Variants in SUPT6H observed in about 807,000 individuals in gnomAD.
The protein encoded by SUPT6H is SPT6 homolog, histone chaperone and transcription elongation factor.
Under a neutral mutation model 222.3 loss-of-function variants are expected in SUPT6H, and 11 were observed. The observed-to-expected ratio is 0.05, with a 90% CI of 0.03 to 0.08. The LOEUF (loss-of-function observed/expected upper bound fraction) is 0.08, where lower values mean the gene tolerates loss of function less well. Among genes scored for constraint, SUPT6H ranks in the 10% least tolerant of loss-of-function variants. The pLI is 1.00. For synonymous variants in SUPT6H, 762 were observed against 801.2 expected (o/e 0.95, Z 0.83); for missense variants, 1,422 against 2,216.0 (o/e 0.64, Z 7.19).
intron 1 of SUPT6H, among the ~76,000 whole-genome samples, chr17:28,662,821 T>C (rs2072083028): frequency 6.6e-6 from 1 of 152,242 alleles, no homozygotes; most frequent in African/African-American, 2.4e-5. Flanking sequence ...TTGTAGATGG[T>C]TGCATCCTTC....
chr17:28,669,079 T>A (rs983684426), intron 1 of SUPT6H, among the ~76,000 whole-genome samples: 2 of 152,266 alleles, frequency 1.3e-5, no homozygotes, highest in African/African-American at 4.8e-5. Context: ...ATGTGAGTTA[T>A]ATCCTTTGAT....
chr17:28,673,302 G>A, intron 1 of SUPT6H, 69 bp from the exon 2 acceptor site: 1 of 877,056 alleles, frequency 1.1e-6, no homozygotes, highest in South Asian at 1.5e-5. Context: ...GCTGTTTGTG[G>A]GAAGGTTTAA....
chr17:28,697,963 T>C lies in SUPT6H; in HGVS notation c.4381T>C (p.Phe1461Leu). The C allele has an allele frequency of 6.2e-7, 1 of 1,613,986 alleles. No individual in the cohort carries two copies. Among genetic ancestry groups the C allele is most frequent in the Admixed American group, 1.7e-5 (1 of 60,024 alleles). The change falls in exon 32 of 37, where the codon TTC (phenylalanine) becomes CTC (leucine). Residue 1461 changes from phenylalanine (F) to leucine (L), a missense_variant. By Grantham distance (22) the Phe-to-Leu change is conservative. Around this residue, in one of 13 missense-constraint regions of SUPT6H, gnomAD observed 395 missense variants for 580.6 expected, o/e 0.68. Coordinates refer to ENST00000314616, the MANE Select transcript of SUPT6H (RefSeq NM_003170.5). Reference protein sequence around the residue: ...KKEKPTFIPYFICACKELPGK... With the variant: ...KKEKPTFIPYLICACKELPGK... ...GGAGAAGCCCACCTTCATCCCTTAT[T>C]TCATCTGTGCCTGCAAGGAACTGCC...
intron 11 of SUPT6H, among the ~76,000 whole-genome samples, chr17:28,679,990 CAAAA>C (rs36143547): frequency 8.6e-5 from 5 of 58,250 alleles, no homozygotes; most frequent in South Asian, 7.3e-4. Context: ...GACTCCATCT[CAAAA>C]AAAAAAAAAA....
At chr17:28,699,993 T>A in intron 33 of SUPT6H, 100 bp downstream of exon 33, 1 of 1,382,250 alleles carries the variant, frequency 7.2e-7, no homozygotes, top group Non-Finnish European at 1.0e-6. Context: ...AGGAGTAGGC[T>A]GTCACTGCAG....
At chr17:28,673,349 C>A in intron 1 of SUPT6H, 22 bp from the exon 2 acceptor site, 1 of 1,462,574 alleles carries the variant, frequency 6.8e-7, no homozygotes, top group Non-Finnish European at 9.5e-7. Flanking sequence ...TTTTTTTATC[C>A]TTCACTCTTT....
intron 7 of SUPT6H, 77 bp from the exon 8 acceptor site, chr17:28,677,638 C>G (rs1449276242): frequency 4.0e-6 from 4 of 1,009,224 alleles, no homozygotes; most frequent in African/African-American, 1.6e-5. Flanking sequence ...TCACACGTTT[C>G]TGTCCAAAAA....
chr17:28,682,914 TC>T (rs1425248829), intron 14 of SUPT6H, 27 bp from the exon 15 acceptor site: 4 of 1,612,446 alleles, frequency 2.5e-6, no homozygotes, highest in African/African-American at 2.7e-5. Flanking sequence ...AACACCCTGG[TC>T]CTGTAGCTGC....
intron 25 of SUPT6H, 43 bp downstream of exon 25, chr17:28,689,604 A>G: frequency 6.2e-7 from 1 of 1,600,114 alleles, no homozygotes. Context: ...ACCCATCCCA[A>G]GTGGCCAGGT....
In SUPT6H at chr17:28,669,673, G is replaced by A. The variant is rs1226040569; in HGVS notation, c.-31-3698G>A. ...TGAATAGCCGGGCGTGGTGGCTCAC[G>A]CCTGTAGTCCCAGCACTTTGGGAGG... is the stretch of plus-strand genomic sequence containing the variant. On this transcript the variant is annotated intron_variant, in intron 1 of 36. Transcript: ENST00000314616. 2.0e-5 allele frequency among the ~76,000 whole-genome samples: 3 copies of A among 152,018 alleles called. No homozygotes were observed. In the South Asian group the frequency reaches 6.2e-4, roughly 31 times the overall value.
chr17:28,663,776 C>A (rs2072110462), intron 1 of SUPT6H, among the ~76,000 whole-genome samples: 1 of 141,640 alleles, frequency 7.1e-6, no homozygotes, highest in Non-Finnish European at 1.5e-5. Flanking sequence ...GCTTTCTCAA[C>A]TTTCATTCAC....
chr17:28,687,143 G>A lies in SUPT6H; in HGVS notation c.2756G>A (p.Arg919His), dbSNP rs1241420516. ...AGACAGGCCGTCTCCCTGGCCCGGC[G>A]CATCCAGGACCCTCTGATTGAATTT... ...VLRQAVSLARRIQDPLIEFAQ... is the reference protein window; with the variant it reads ...VLRQAVSLARHIQDPLIEFAQ... The change falls in exon 22 of 37, where the codon CGC becomes CAC. Residue 919 changes from arginine to histidine, a missense_variant. Physicochemically the swap from Arg to His is conservative, Grantham distance 29 (BLOSUM62 0). Transcript: ENST00000314616. The A allele has an allele frequency of 2.5e-6, 4 of 1,613,922 alleles. No homozygotes were observed. The highest frequency in any genetic ancestry group is 3.4e-6 in the Non-Finnish European group (4 of 1,180,040).
At chr17:28,674,465 A>G (rs1597691898) in intron 3 of SUPT6H, 24 bp downstream of exon 3, 1 of 1,614,170 alleles carries the variant, frequency 6.2e-7, no homozygotes, top group Non-Finnish European at 8.5e-7. Context: ...CGTTGGCTCA[A>G]GTGAGGCTTG....
rs1449597628 is a variant in SUPT6H, at chr17:28,700,228, C to G, written c.4617C>G (p.Thr1539=). The change falls in exon 34 of 37, where the codon ACC becomes ACG. Residue 1539 remains threonine (T), a synonymous_variant. Coordinates refer to ENST00000314616, the MANE Select transcript of SUPT6H (RefSeq NM_003170.5). ...GGACACCTGCCTCTATCAATGCTAC[C>G]CCAGCCAACATCAACCTTGCAGGTG... The part of the protein sequence containing the change: ...RTRTPASINA[T]PANINLADLT... 5.6e-6 allele frequency: 9 copies of G among 1,614,108 alleles called. No homozygotes were observed. Among genetic ancestry groups the G allele is most frequent in the Non-Finnish European group, 6.8e-6 (8 of 1,180,056 alleles).
chr17:28,692,248 C>T (rs937436693), intron 27 of SUPT6H, among the ~76,000 whole-genome samples: 3 of 149,766 alleles, frequency 2.0e-5, no homozygotes, highest in East Asian at 2.0e-4. Flanking sequence ...GGTGTGAACC[C>T]GGGAGGCGGA....
At chr17:28,674,923 A>G in intron 4 of SUPT6H, 47 bp from the exon 5 acceptor site, 8 of 1,591,610 alleles carry the variant, frequency 5.0e-6, no homozygotes, top group Non-Finnish European at 6.9e-6. Flanking sequence ...TGGTATCCGT[A>G]TGCCAGACTC....
At chr17:28,684,287 A>G (rs552229849) in intron 17 of SUPT6H, among the ~76,000 whole-genome samples, 1 of 152,304 alleles carries the variant, frequency 6.6e-6, no homozygotes, top group South Asian at 2.1e-4. Context: ...CTGAGAGGGA[A>G]TGCTAACAAG....
chr17:28,674,944 G>T, intron 4 of SUPT6H, 26 bp from the exon 5 acceptor site: 1 of 1,610,040 alleles, frequency 6.2e-7, no homozygotes, highest in Non-Finnish European at 8.5e-7. Flanking sequence ...CTCAGATCCT[G>T]ATAAGGCAGG....
At chr17:28,675,353 T>C (rs1408730419) in intron 5 of SUPT6H, 48 bp from the exon 6 acceptor site, 2 of 1,602,306 alleles carry the variant, frequency 1.2e-6, no homozygotes, top group Non-Finnish European at 1.7e-6. Context: ...AATTTAGTCC[T>C]GGCTCAGCCC....
Sources: allele counts gnomAD v4.1 joint callset (sites outside exome capture counted in the v4.1 genomes callset), GRCh38; gene constraint gnomAD v4.1.1; regional missense constraint gnomAD v4.1.1; transcripts MANE v1.5; gene names NCBI Gene and HGNC (gene_info 2026-07-23, HGNC 2026-07-21).